Variants in RHBDF2 observed in about 807,000 individuals in gnomAD.
RHBDF2 encodes the protein inactive rhomboid protein 2.
Under a neutral mutation model 95.2 loss-of-function variants are expected in RHBDF2, and 38 were observed. That is an observed-to-expected ratio of 0.40 (90% confidence interval 0.31 to 0.52). The LOEUF is 0.52. Among genes scored for constraint, RHBDF2 ranks in the 20% least tolerant of loss-of-function variants. The pLI, the probability that RHBDF2 is intolerant of heterozygous loss-of-function variation, is 0.56. For synonymous variants in RHBDF2, 442 were observed against 462.0 expected, an observed-to-expected ratio of 0.96 and a Z score of 0.55; for missense variants, 863 against 1,137.7, an observed-to-expected ratio of 0.76 and a Z score of 3.47.
At chr17:76,480,560 T>C (rs1482846389) in intron 3 of RHBDF2, among the ~76,000 whole-genome samples, 1 of 151,844 alleles carries the variant, frequency 6.6e-6, no homozygotes, top group East Asian at 1.9e-4. Context: ...CTTTTTTAAT[T>C]TTTTTTGCAG....
chr17:76,489,075 G>A (rs1172262059), intron 1 of RHBDF2, among the ~76,000 whole-genome samples: 2 of 151,956 alleles, frequency 1.3e-5, no homozygotes, highest in Non-Finnish European at 2.9e-5. Flanking sequence ...GCAGTGAGCC[G>A]AGATCGCGCC....
intron 1 of RHBDF2, among the ~76,000 whole-genome samples, chr17:76,497,607 T>C (rs2074459512): frequency 6.6e-6 from 1 of 152,014 alleles, no homozygotes; most frequent in Non-Finnish European, 1.5e-5. Flanking sequence ...AACACCATTA[T>C]CACGATGGCT....
At chr17:76,491,615 G>A (rs1201211654) in intron 1 of RHBDF2, among the ~76,000 whole-genome samples, 1 of 152,218 alleles carries the variant, frequency 6.6e-6, no homozygotes, top group Non-Finnish European at 1.5e-5. Flanking sequence ...CCTTCTCTGA[G>A]GGAATGGGAC....
Position 76,471,586 on chromosome 17 carries a change from C to T in RHBDF2, c.*47G>A, listed in dbSNP as rs746065185. ...CTCTGCAGAGGGCAGCCCTCGCAGG[C>T]AGACCCTGTTCCAGCAGGGCTGAGG... On this transcript the variant is annotated 3_prime_UTR_variant, in exon 19 of 19. Transcript: ENST00000675367. 6.6e-7 allele frequency: 1 copy of T among 1,523,274 alleles called. No individual in the cohort carries two copies. The allele number at this position is 1,523,274 out of a possible 1,614,324, so 94.4% of individuals were successfully genotyped here.
chr17:76,477,672 G>A lies in RHBDF2; in HGVS notation c.786C>T (p.Ser262=), dbSNP rs2073817158. The A allele has an allele frequency of 1.2e-6, 2 of 1,614,102 alleles. No individual in the cohort carries two copies. The highest frequency in any genetic ancestry group is 1.7e-6 in the Non-Finnish European group (2 of 1,180,006). ...CCATGCTTGCCTTACTAAAAAAGGA[G>A]GAGTCAAACGTGTCTGCCCCATCGA... ...DVVDGADTFD[S]SFFSKEEMSS... Residue 262 remains serine, a synonymous_variant, in exon 7 of 19, where the codon TCC becomes TCT. Transcript: ENST00000675367.
chr17:76,483,054 A>T (rs552659289), intron 2 of RHBDF2, among the ~76,000 whole-genome samples: 1 of 152,272 alleles, frequency 6.6e-6, no homozygotes, highest in East Asian at 1.9e-4. Flanking sequence ...CTGTAGTTCC[A>T]GCTACTCGGG....
At position 76,479,409 on chromosome 17, in the gene RHBDF2, C is replaced by A. The variant is rs779088001; in HGVS notation, c.273-132G>T. 1.7e-5 allele frequency: 22 copies of A among 1,316,844 alleles called. No homozygotes were observed. The South Asian group carries it at 2.3e-4, about 14-fold the overall frequency. The allele number at this position is 1,316,844 out of a possible 1,614,324, so 81.6% of individuals were successfully genotyped here. A position where few individuals can be genotyped will look rare whatever the true frequency, so the allele number is the denominator to read the frequency against. On this transcript the variant is annotated intron_variant, in intron 4 of 18. Coordinates refer to ENST00000675367, the MANE Select transcript of RHBDF2 (RefSeq NM_001005498.4). ...GTGGGGGGCGGATCTGCCTGTGAGGCCCCTGGCTGGAGCCCAGTGACCAGA... is the reference window on the plus strand; with the variant it reads ...GTGGGGGGCGGATCTGCCTGTGAGGACCCTGGCTGGAGCCCAGTGACCAGA...
chr17:76,476,732 T>C (rs1441127067), intron 9 of RHBDF2, 98 bp downstream of exon 9: 3 of 1,450,084 alleles, frequency 2.1e-6, no homozygotes, highest in Non-Finnish European at 1.8e-6. Flanking sequence ...AAGATGCTCA[T>C]GAAACACTTG....
At chr17:76,485,516 G>C (rs1487032044) in intron 2 of RHBDF2, among the ~76,000 whole-genome samples, 2 of 151,356 alleles carry the variant, frequency 1.3e-5, no homozygotes, top group Non-Finnish European at 2.9e-5. Flanking sequence ...CAGGACGGGG[G>C]GTGTGGTTAC....
intron 1 of RHBDF2, among the ~76,000 whole-genome samples, chr17:76,497,417 A>G (rs2074453736): frequency 6.6e-6 from 1 of 152,156 alleles, no homozygotes; most frequent in Non-Finnish European, 1.5e-5. Context: ...CTTGGCCAGC[A>G]AGGCACTGAG....
intron 1 of RHBDF2, among the ~76,000 whole-genome samples, chr17:76,498,687 G>A (rs983416161): frequency 2.0e-5 from 3 of 152,226 alleles, no homozygotes; most frequent in Admixed American, 1.3e-4. Context: ...TGACCCCAGA[G>A]CAGGACTCGG....
At chr17:76,478,748 A>AG in intron 6 of RHBDF2, 58 bp downstream of exon 6, 1 of 1,424,624 alleles carries the variant, frequency 7.0e-7, no homozygotes, top group Middle Eastern at 2.0e-4. Flanking sequence ...AGTGGAAGGG[A>AG]GGGGCAAGGA....
intron 9 of RHBDF2, 47 bp from the exon 10 acceptor site, chr17:76,475,188 C>A: frequency 1.4e-6 from 2 of 1,417,854 alleles, no homozygotes; most frequent in East Asian, 4.9e-5. Context: ...CCTATCCCAA[C>A]CCCCAGTCCC....
At position 76,477,248 on chromosome 17, in the gene RHBDF2, A is replaced by T; in HGVS notation, c.852T>A (p.Ser284=). The part of the protein sequence containing the change: ...PDDVFESPPL[S]ASYFRGIPHS... ...GTGGGATCCCTCGGAAGTAGCTGGC[A>T]GAGAGTGGGGGGGACTCAAAGACAT... Residue 284 remains serine (S), a synonymous_variant, in exon 8 of 19, where the codon TCT becomes TCA. Transcript: ENST00000675367. The T allele has an allele frequency of 6.2e-7, 1 of 1,608,546 alleles. No individual in the cohort carries two copies. The highest frequency in any genetic ancestry group is 8.5e-7 in the Non-Finnish European group (1 of 1,178,450).
At chr17:76,473,966 C>T in intron 13 of RHBDF2, 64 bp from the exon 14 acceptor site, 3 of 1,594,848 alleles carry the variant, frequency 1.9e-6, no homozygotes, top group Non-Finnish European at 2.6e-6. Context: ...TACCCACGTC[C>T]CTGTGGGTGG....
rs76483989 is a variant in RHBDF2, at chr17:76,472,517, A to G, written c.2064+169T>C. On this transcript the variant is annotated intron_variant, in intron 18 of 18. Transcript: ENST00000675367. Reference sequence around the variant, plus strand: ...CTCAAGAGCATCACTGTTCCCTCTCACTGGGATTAAGAGACCAGCCAGTAA... The same window carrying G: ...CTCAAGAGCATCACTGTTCCCTCTCGCTGGGATTAAGAGACCAGCCAGTAA... The G allele has an allele frequency of 3.3e-3, 2,701 of 815,074 alleles. 50 individuals are homozygous for G. The African/African-American group carries it at 0.039, about 12-fold the overall frequency. The allele number at this position is 815,074 out of a possible 1,614,324, so 50.5% of individuals were successfully genotyped here. A position where few individuals can be genotyped will look rare whatever the true frequency, so the allele number is the denominator to read the frequency against.
At chr17:76,481,322 G>T in intron 3 of RHBDF2, 53 bp downstream of exon 3, 1 of 1,560,644 alleles carries the variant, frequency 6.4e-7, no homozygotes, top group Non-Finnish European at 8.7e-7. Context: ...GTGTCACGTG[G>T]GTACATCTGT....
chr17:76,494,965 G>T (rs1162544436), intron 1 of RHBDF2, among the ~76,000 whole-genome samples: 2 of 151,984 alleles, frequency 1.3e-5, no homozygotes, highest in African/African-American at 2.4e-5. Flanking sequence ...GTTGTGAAGG[G>T]GAGGAGTCAG....
chr17:76,494,472 C>A (rs1445878990), intron 1 of RHBDF2, among the ~76,000 whole-genome samples: 1 of 152,224 alleles, frequency 6.6e-6, no homozygotes, highest in Non-Finnish European at 1.5e-5. Flanking sequence ...CTGGTGGAGG[C>A]TGGGCACAGT....
Sources: gnomAD v4.1 joint callset for allele counts (sites outside exome capture counted in the v4.1 genomes callset) on GRCh38, gnomAD v4.1.1 for gene constraint, MANE v1.5 for transcripts, NCBI Gene and HGNC (gene_info 2026-07-23, HGNC 2026-07-21) for gene names.